The following TNXB variants were observed in gnomAD, a reference collection of about 807,000 sequenced individuals.
TNXB encodes the protein tenascin-X.
Under a neutral mutation model 340.5 loss-of-function variants are expected in TNXB, and 183 were observed. The observed-to-expected ratio is 0.54, with a 90% CI of 0.48 to 0.61. The LOEUF (loss-of-function observed/expected upper bound fraction) is 0.61. Ranked by LOEUF, TNXB falls within the 20% of genes least tolerant of loss-of-function variation. TNXB has a pLI of 0.00. For synonymous variants in TNXB, 2,121 were observed against 2,314.5 expected, an observed-to-expected ratio of 0.92 and a Z score of 2.40; for missense variants, 4,613 against 5,446.4, an observed-to-expected ratio of 0.85 and a Z score of 4.82.
chr6:32,056,290 G>C, intron 23 of TNXB, 116 bp from the exon 24 acceptor site: 1 of 1,335,184 alleles, frequency 7.5e-7, no homozygotes. Context: ...TTTCAGAAAA[G>C]CCCATTCTTG....
rs376173680 is a variant in TNXB, at chr6:32,053,004, G to A, written c.8792-11C>T. ...TTTCTTCCTCTGCAGCTGAGAAGAG[G>A]GGACAGAGAAGGTGAGGCAGCTTCC... On this transcript the variant is annotated splice_polypyrimidine_tract_variant and intron_variant, in intron 25 of 43. Transcript: ENST00000644971. The A allele has an allele frequency of 6.2e-7, 1 of 1,606,112 alleles. No homozygotes were observed. The highest frequency in any genetic ancestry group is 1.1e-5 in the South Asian group (1 of 90,884).
intron 1 of TNXB, among the ~76,000 whole-genome samples, chr6:32,102,031 G>A (rs1780745654): frequency 6.6e-6 from 1 of 152,144 alleles, no homozygotes; most frequent in African/African-American, 2.4e-5. Context: ...GATCCAAGGA[G>A]CATTTTAAAA....
At position 32,069,989 on chromosome 6, in the gene TNXB, G is replaced by T; in HGVS notation, c.5279-128C>A. 7.3e-7 allele frequency: 1 copy of T among 1,369,624 alleles called. No homozygotes were observed. The highest frequency in any genetic ancestry group is 9.7e-7 in the Non-Finnish European group (1 of 1,032,034). The allele number at this position is 1,369,624 out of a possible 1,614,324, so 84.8% of individuals were successfully genotyped here. On this transcript the variant is annotated intron_variant, in intron 14 of 43. Coordinates refer to ENST00000644971, the MANE Select transcript of TNXB (RefSeq NM_001365276.2). This position sits in a 1 kb window ranked among gnomAD's most constrained non-coding sequence, Gnocchi z 6.2. Reference sequence around the variant, plus strand: ...TGAGTCCTGCCGGGCTGTGCTAGGGGCTTGTGCAGGGACGTGGGGAGCTGG... The same window carrying T: ...TGAGTCCTGCCGGGCTGTGCTAGGGTCTTGTGCAGGGACGTGGGGAGCTGG...
At position 32,052,721 on chromosome 6, in the gene TNXB, C is replaced by T. The variant is rs753710096; in HGVS notation, c.9064G>A (p.Gly3022Ser). Residue 3022 changes from glycine (G) to serine (S), a missense_variant, in exon 26 of 44, where the codon GGC becomes AGC. Gly to Ser is a moderately conservative substitution (Grantham distance 56, BLOSUM62 0). Transcript: ENST00000644971. The surrounding 1 kb of genome is among the most constrained non-coding windows in gnomAD (Gnocchi z 4.7). ...PGCKYKMHLY[G>S]LHEGQRVGPV... ...CCCACGCGCTGCCCCTCGTGGAGGC[C>T]GTACAGGTGCATCTTGTATTTGCAC... 26 of 1,613,664 alleles carry T rather than the reference C, an allele frequency of 1.6e-5. No homozygotes were observed. The highest frequency in any genetic ancestry group is 6.7e-5 in the East Asian group (3 of 44,890).
chr6:32,081,610 A>G lies in TNXB; in HGVS notation c.3800T>C (p.Leu1267Pro). 6.2e-7 allele frequency: 1 copy of G among 1,601,412 alleles called. No homozygotes were observed. The highest frequency in any genetic ancestry group is 8.5e-7 in the Non-Finnish European group (1 of 1,174,754). Residue 1267 changes from leucine (L) to proline (P), a missense_variant, in exon 10 of 44, where the codon CTG becomes CCG. Physicochemically the swap from Leu to Pro is moderately conservative, Grantham distance 98. Around this residue, in one of 7 missense-constraint regions of TNXB, gnomAD observed 4,327 missense variants for 4,859.4 expected, o/e 0.89. Transcript: ENST00000644971. The surrounding 1 kb of genome is among the most constrained non-coding windows in gnomAD (Gnocchi z 5.1). ...GTCTGGGGTCACGCCGGTCACTGTC[A>G]GTTCCCCCAGGAGGGGCTGCTCCAG... ...EFLEQPLLGE[L>P]TVTGVTPDSL...
intron 1 of TNXB, among the ~76,000 whole-genome samples, chr6:32,106,362 G>A (rs747334903): frequency 2.5e-4 from 38 of 152,030 alleles, no homozygotes; most frequent in Non-Finnish European, 4.1e-4. Context: ...AAGAGTTGAG[G>A]AGAGATGTTG....
At chr6:32,103,226 G>C (rs1015448090) in intron 1 of TNXB, among the ~76,000 whole-genome samples, 2 of 151,636 alleles carry the variant, frequency 1.3e-5, no homozygotes, top group Admixed American at 1.3e-4. Flanking sequence ...TTCAAAACCA[G>C]CCTGGCGATC....
rs759303131 is a variant in TNXB, at chr6:32,061,494, G to C, written c.7395C>G (p.Thr2465=). 6.2e-7 allele frequency: 1 copy of C among 1,611,980 alleles called. No homozygotes were observed. The highest frequency in any genetic ancestry group is 8.5e-7 in the Non-Finnish European group (1 of 1,179,802). ...VRVGGEESEV[T]VGGLEPGRKY... ...TGCGCCCAGGCTCCAGGCCCCCCAC[G>C]GTGACCTCGCTCTCCTCGCCCCCAA... is the stretch of plus-strand genomic sequence containing the variant. The change falls in exon 21 of 44, where the codon ACC becomes ACG. Residue 2465 remains threonine (T), a synonymous_variant. Transcript: ENST00000644971. This position sits in a 1 kb window ranked among gnomAD's most constrained non-coding sequence, Gnocchi z 4.4.
chr6:32,058,090 C>G lies in TNXB; in HGVS notation c.7793G>C (p.Arg2598Pro), dbSNP rs771647661. Residue 2598 changes from arginine to proline, a missense_variant, in exon 22 of 44, where the codon CGC becomes CCC. Coordinates refer to ENST00000644971, the MANE Select transcript of TNXB (RefSeq NM_001365276.2). This position sits in a 1 kb window ranked among gnomAD's most constrained non-coding sequence, Gnocchi z 5.1. ...GCCCACGGCAGACACCGGGCCCAGGCGCCGCCCCTCGTGGAGGCCGTACAG... is the reference window on the plus strand; with the variant it reads ...GCCCACGGCAGACACCGGGCCCAGGGGCCGCCCCTCGTGGAGGCCGTACAG... ...MHLYGLHEGRRLGPVSAVGVT... is the reference protein window; with the variant it reads ...MHLYGLHEGRPLGPVSAVGVT... The G allele has an allele frequency of 1.2e-6, 2 of 1,611,550 alleles. No individual in the cohort carries two copies. The highest frequency in any genetic ancestry group is 1.7e-6 in the Non-Finnish European group (2 of 1,178,986).
Position 32,068,777 on chromosome 6 carries a change from C to A in TNXB, c.5902+45G>T. 6.3e-7 allele frequency: 1 copy of A among 1,591,870 alleles called. No individual in the cohort carries two copies. Among genetic ancestry groups the A allele is most frequent in the Non-Finnish European group, 8.6e-7 (1 of 1,166,724 alleles). Reference sequence around the variant, plus strand: ...CCGCGGGACTCTGCTGTCCTCTGGACTCTCCCAGCCATCTGAAAGGAGGCA... The same window carrying A: ...CCGCGGGACTCTGCTGTCCTCTGGAATCTCCCAGCCATCTGAAAGGAGGCA... On this transcript the variant is annotated intron_variant, in intron 16 of 43. Transcript: ENST00000644971. The surrounding 1 kb of genome is among the most constrained non-coding windows in gnomAD (Gnocchi z 5.3).
rs1777436830 is a variant in TNXB, at chr6:32,053,579, G to A, written c.8600C>T (p.Pro2867Leu). 1.2e-6 allele frequency: 2 copies of A among 1,613,572 alleles called. No individual in the cohort carries two copies. Among genetic ancestry groups the A allele is most frequent in the Non-Finnish European group, 1.7e-6 (2 of 1,179,884 alleles). The change falls in exon 25 of 44, where the codon CCC becomes CTC. Residue 2867 changes from proline to leucine, a missense_variant. This residue lies in a region of TNXB where 4,327 missense variants were observed against 4,859.4 expected (regional missense o/e 0.89). Transcript: ENST00000644971. Reference protein sequence around the residue: ...PDSLSLSWMVPEGQFDHFLVQ... With the variant: ...PDSLSLSWMVLEGQFDHFLVQ... ...CAGGAAGTGGTCAAACTGGCCCTCG[G>A]GGACCATCCAGGACAGGCTGAGGGA... is the stretch of plus-strand genomic sequence containing the variant.
rs755808228 is a variant in TNXB, at chr6:32,068,933, G to A, written c.5791C>T (p.Arg1931Trp). ...QLQMVRIGGDRNDITLSGLES... is the reference protein window; with the variant it reads ...QLQMVRIGGDWNDITLSGLES... The stretch of plus-strand genomic sequence containing the variant: ...AGGCCAGAGAGGGTGATGTCATTCC[G>A]GTCACCTCCTATGCGGACCATTTGG... The change falls in exon 16 of 44, where the codon CGG becomes TGG. Residue 1931 changes from arginine to tryptophan, a missense_variant. Around this residue, in one of 7 missense-constraint regions of TNXB, gnomAD observed 4,327 missense variants for 4,859.4 expected, o/e 0.89. Coordinates refer to ENST00000644971, the MANE Select transcript of TNXB (RefSeq NM_001365276.2). The surrounding 1 kb of genome is among the most constrained non-coding windows in gnomAD (Gnocchi z 5.3). 7.4e-6 allele frequency: 12 copies of A among 1,612,794 alleles called. No homozygotes were observed. Among genetic ancestry groups the A allele is most frequent in the Admixed American group, 5.0e-5 (3 of 60,030 alleles).
chr6:32,104,303 C>T (rs1046209234), intron 1 of TNXB, among the ~76,000 whole-genome samples: 3 of 152,176 alleles, frequency 2.0e-5, no homozygotes, highest in African/African-American at 7.2e-5. Context: ...AGTCATCTTC[C>T]TCTCGCTCCA....
chr6:32,098,463 TTTG>T (rs1780543215), intron 1 of TNXB, among the ~76,000 whole-genome samples: 1 of 127,340 alleles, frequency 7.9e-6, no homozygotes, highest in Admixed American at 7.2e-5. Context: ...GTTTTTTTGT[TTTG>T]TTTTGTTTTG....
Position 32,043,295 on chromosome 6 carries a change from G to C in TNXB, c.11674C>G (p.Pro3892Ala). The change falls in exon 37 of 44, where the codon CCA (proline) becomes GCA (alanine). Residue 3892 changes from proline to alanine, a missense_variant. Coordinates refer to ENST00000644971, the MANE Select transcript of TNXB (RefSeq NM_001365276.2). ...AGGGGGTAGTCCACCGCGCTGCCTG[G>C]GGTCTCCGCCTGCAGAGGCGGGGCT... ...PGAPPLQAET[P>A]GSAVDYPLHD... is the part of the protein sequence containing the mutation. 1 of 339,518 alleles carries C rather than the reference G, an allele frequency of 2.9e-6. No homozygotes were observed. The highest frequency in any genetic ancestry group is 5.0e-6 in the Non-Finnish European group (1 of 198,930). The allele number at this position is 339,518 out of a possible 1,614,324, so 21.0% of individuals were successfully genotyped here. A position where few individuals can be genotyped will look rare whatever the true frequency, so the allele number is the denominator to read the frequency against.
chr6:32,047,820 A>G lies in TNXB; in HGVS notation c.10238T>C (p.Leu3413Pro), dbSNP rs1776988970. The change falls in exon 30 of 44, where the codon CTG (leucine) becomes CCG (proline). Residue 3413 changes from leucine to proline, a missense_variant. Leu to Pro is a moderately conservative substitution (Grantham distance 98). This residue lies in a region of TNXB where 4,327 missense variants were observed against 4,859.4 expected (regional missense o/e 0.89). Coordinates refer to ENST00000644971, the MANE Select transcript of TNXB (RefSeq NM_001365276.2). This position sits in a 1 kb window ranked among gnomAD's most constrained non-coding sequence, Gnocchi z 6.2. ...GAACCTGTATTTCCTACTGGGCTCCAGGCCCTGGACTGTGACCTCCCGCTG... is the reference window on the plus strand; with the variant it reads ...GAACCTGTATTTCCTACTGGGCTCCGGGCCCTGGACTGTGACCTCCCGCTG... ...ANQREVTVQG[L>P]EPSRKYRFLL... The G allele has an allele frequency of 6.2e-7, 1 of 1,611,026 alleles. No individual in the cohort carries two copies. The highest frequency in any genetic ancestry group is 1.3e-5 in the African/African-American group (1 of 74,928).
rs1443865278 is a variant in TNXB, at chr6:32,081,426, G to A, written c.3984C>T (p.Asn1328=). Residue 1328 remains asparagine (N), a synonymous_variant, in exon 10 of 44, where the codon AAC becomes AAT. Coordinates refer to ENST00000644971, the MANE Select transcript of TNXB (RefSeq NM_001365276.2). This position sits in a 1 kb window ranked among gnomAD's most constrained non-coding sequence, Gnocchi z 5.1. ...GLDPDRKYKM[N]LYGLRGRQRV... ...GCTGCCTGCCACGAAGCCCGTAGAGGTTCATCTTATACTTCCGGTCGGGAT... is the reference window on the plus strand; with the variant it reads ...GCTGCCTGCCACGAAGCCCGTAGAGATTCATCTTATACTTCCGGTCGGGAT... 3.8e-6 allele frequency: 6 copies of A among 1,563,592 alleles called. No homozygotes were observed. The highest frequency in any genetic ancestry group is 5.2e-6 in the Non-Finnish European group (6 of 1,153,950).
chr6:32,098,740 A>G (rs866133688), intron 1 of TNXB, among the ~76,000 whole-genome samples: 6 of 152,116 alleles, frequency 3.9e-5, no homozygotes, highest in Admixed American at 2.6e-4. Flanking sequence ...TCAGCCTCCC[A>G]AAGTGCTGGG....
In TNXB at chr6:32,064,627, A is replaced by G. The variant is rs917361705; in HGVS notation, c.6841+194T>C. Among the ~76,000 whole-genome samples, 78 of 152,266 alleles carry G rather than the reference A, an allele frequency of 5.1e-4. No homozygotes were observed. The highest frequency in any genetic ancestry group is 3.4e-3 in the Middle Eastern group (1 of 294). ...TGGTCCCCCACCTCTTTGGGAACCC[A>G]AAAAGCCCATGTGTAACGGGCAGAA... On this transcript the variant is annotated intron_variant, in intron 19 of 43. Coordinates refer to ENST00000644971, the MANE Select transcript of TNXB (RefSeq NM_001365276.2). The surrounding 1 kb of genome is among the most constrained non-coding windows in gnomAD (Gnocchi z 5.3).
Sources: gnomAD v4.1 joint callset for allele counts (sites outside exome capture counted in the v4.1 genomes callset) on GRCh38, gnomAD v4.1.1 for gene constraint, gnomAD v4.1.1 regional missense constraint, Gnocchi (gnomAD v3.1) non-coding constraint, MANE v1.5 for transcripts, NCBI Gene and HGNC (gene_info 2026-07-23, HGNC 2026-07-21) for gene names.